MAGI2: variants seen among roughly 807,000 people sequenced by gnomAD.
MAGI2 encodes the protein membrane associated guanylate kinase, WW and PDZ domain containing 2, also known as membrane-associated guanylate kinase, WW and PDZ domain-containing protein 2.
In MAGI2, 35 loss-of-function variants were observed where a neutral mutation model predicts 133.3. The ratio of observed to expected loss-of-function variants is 0.26; its 90% CI spans 0.20 to 0.35. The LOEUF is 0.35. Among genes scored for constraint, MAGI2 ranks in the 10% least tolerant of loss-of-function variants. The pLI, the probability that MAGI2 is intolerant of heterozygous loss-of-function variation, is 1.00. For synonymous variants in MAGI2, 729 were observed against 710.6 expected (o/e 1.03, Z -0.41); for missense variants, 1,636 against 1,863.4 (o/e 0.88, Z 2.25).
At chr7:78,833,737 G>A (rs577418677) in intron 2 of MAGI2, among the ~76,000 whole-genome samples, 1 of 152,152 alleles carries the variant, frequency 6.6e-6, no homozygotes, top group Non-Finnish European at 1.5e-5. Context: ...CAGCGCTGAA[G>A]CACCCCAGGG....
chr7:79,239,488 C>G (rs762120128), intron 1 of MAGI2, among the ~76,000 whole-genome samples: 2 of 152,042 alleles, frequency 1.3e-5, no homozygotes, highest in Non-Finnish European at 2.9e-5. Flanking sequence ...CTTTACCGAC[C>G]GTAATACACC....
At chr7:79,256,876 T>C (rs113369121) in intron 1 of MAGI2, among the ~76,000 whole-genome samples, 293 of 152,250 alleles carry the variant, frequency 1.9e-3, no homozygotes, top group African/African-American at 6.5e-3. Flanking sequence ...AATACACTCA[T>C]ATGTACAATT....
At chr7:79,359,669 AACACACACACACACACACACAC>A (rs59414419) in intron 1 of MAGI2, among the ~76,000 whole-genome samples, 3 of 140,030 alleles carry the variant, frequency 2.1e-5, no homozygotes, top group Non-Finnish European at 4.7e-5. Context: ...TCAAGTGGGA[AACACACACACACACACACACAC>A]ACACACACAC....
At chr7:78,557,250 C>T (rs956087257) in intron 3 of MAGI2, among the ~76,000 whole-genome samples, 11 of 152,056 alleles carry the variant, frequency 7.2e-5, no homozygotes, top group African/African-American at 2.7e-4. Context: ...CTGCATTCAT[C>T]TTTCCTTTTA....
intron 16 of MAGI2, among the ~76,000 whole-genome samples, chr7:78,145,504 TC>T (rs1435002953): frequency 3.3e-5 from 5 of 152,140 alleles, no homozygotes; most frequent in African/African-American, 1.2e-4. Context: ...GATATTGGCA[TC>T]CCGGATTGGT....
chr7:78,315,004 A>G (rs1473236156), intron 9 of MAGI2, among the ~76,000 whole-genome samples: 1 of 152,164 alleles, frequency 6.6e-6, no homozygotes, highest in African/African-American at 2.4e-5. Context: ...ACAGTTTTAT[A>G]CTGGCTAGAC....
intron 9 of MAGI2, among the ~76,000 whole-genome samples, chr7:78,324,655 G>A (rs1404476802): frequency 2.0e-5 from 3 of 152,118 alleles, no homozygotes; most frequent in Non-Finnish European, 4.4e-5. Flanking sequence ...CTGTTATTAA[G>A]CTATTTTTTA....
intron 5 of MAGI2, among the ~76,000 whole-genome samples, chr7:78,500,166 G>C (rs552916670): frequency 1.8e-4 from 28 of 152,278 alleles, no homozygotes; most frequent in Admixed American, 6.5e-4. Flanking sequence ...TCCCTTGGTC[G>C]CATGATTCAG....
intron 2 of MAGI2, among the ~76,000 whole-genome samples, chr7:78,690,175 T>A (rs1294841420): frequency 1.3e-5 from 2 of 152,206 alleles, no homozygotes; most frequent in African/African-American, 4.8e-5. Flanking sequence ...CTTTTAATTC[T>A]TGACAAAATT....
chr7:78,370,456 A>C (rs977168275), intron 6 of MAGI2, among the ~76,000 whole-genome samples: 1 of 151,810 alleles, frequency 6.6e-6, no homozygotes, highest in East Asian at 1.9e-4. Flanking sequence ...TTTACCTGTC[A>C]TGTGTCATCT....
intron 3 of MAGI2, among the ~76,000 whole-genome samples, chr7:78,587,274 T>G (rs1803524184): frequency 6.6e-6 from 1 of 152,196 alleles, no homozygotes; most frequent in Admixed American, 6.5e-5. Context: ...TTTTTTCTCT[T>G]TTGATAATAG....
chr7:78,470,997 A>C, intron 6 of MAGI2, among the ~76,000 whole-genome samples: 1 of 152,192 alleles, frequency 6.6e-6, no homozygotes, highest in East Asian at 1.9e-4. Flanking sequence ...TGACTTCACA[A>C]GTCCACACAT....
intron 7 of MAGI2, among the ~76,000 whole-genome samples, chr7:78,361,167 G>A (rs1411287732): frequency 3.9e-5 from 6 of 152,060 alleles, no homozygotes; most frequent in Non-Finnish European, 7.4e-5. Context: ...AGGCTGAGGC[G>A]GGTGGATCAC....
intron 2 of MAGI2, among the ~76,000 whole-genome samples, chr7:78,914,803 A>G (rs1320829028): frequency 1.3e-5 from 2 of 152,134 alleles, no homozygotes; most frequent in Non-Finnish European, 2.9e-5. Context: ...TTTTTTAACA[A>G]TTGACATTTA....
At chr7:78,051,412 C>A (rs947280127) in intron 21 of MAGI2, among the ~76,000 whole-genome samples, 2 of 152,178 alleles carry the variant, frequency 1.3e-5, no homozygotes, top group African/African-American at 4.8e-5. Flanking sequence ...AAAAATAAAA[C>A]AAACTGTACA....
intron 2 of MAGI2, among the ~76,000 whole-genome samples, chr7:78,693,855 G>T (rs1329996419): frequency 6.6e-6 from 1 of 152,112 alleles, no homozygotes. Context: ...CCCACCGCTG[G>T]CTCCACGGTG....
chr7:79,027,405 A>C lies in MAGI2; in HGVS notation c.302-20199T>G, dbSNP rs1040619227. Among the ~76,000 whole-genome samples, 6 of 151,836 alleles carry C rather than the reference A, an allele frequency of 4.0e-5. 1 individual carries two copies. The highest frequency in any genetic ancestry group is 3.9e-4 in the Admixed American group (6 of 15,206). On this transcript the variant is annotated intron_variant, in intron 1 of 21. Coordinates refer to ENST00000354212, the MANE Select transcript of MAGI2 (RefSeq NM_012301.4). ...GAAGGAACTTCTGTCATTTGCAGCAACATGGATGGGATTGGAGAACATTAC... is the reference window on the plus strand; with the variant it reads ...GAAGGAACTTCTGTCATTTGCAGCACCATGGATGGGATTGGAGAACATTAC...
chr7:78,998,090 A>G (rs1483221546), intron 2 of MAGI2, among the ~76,000 whole-genome samples: 1 of 152,198 alleles, frequency 6.6e-6, no homozygotes, highest in Admixed American at 6.5e-5. Context: ...ATTTCAAGGG[A>G]CATCAGAGTT....
chr7:78,341,383 C>T lies in MAGI2; in HGVS notation c.1408+2395G>A, dbSNP rs549444957. 3.2e-4 allele frequency among the ~76,000 whole-genome samples: 48 copies of T among 152,216 alleles called. 1 individual carries two copies. The highest frequency in any genetic ancestry group is 1.2e-3 in the African/African-American group (48 of 41,538). ...CAATATCATGAAAATGGCCATACTG[C>T]CCAAATAATTTATAGATTTAATGCT... On this transcript the variant is annotated intron_variant, in intron 9 of 21. Coordinates refer to ENST00000354212, the MANE Select transcript of MAGI2 (RefSeq NM_012301.4).
Sources: allele counts gnomAD v4.1 joint callset (sites outside exome capture counted in the v4.1 genomes callset), GRCh38; gene constraint gnomAD v4.1.1; transcripts MANE v1.5; gene names NCBI Gene and HGNC (gene_info 2026-07-23, HGNC 2026-07-21).